The following ENOX1 variants were observed in gnomAD, a reference collection of about 807,000 sequenced individuals.
ENOX1 encodes the protein ecto-NOX disulfide-thiol exchanger 1.
Under a neutral mutation model 82.5 loss-of-function variants are expected in ENOX1, and 42 were observed. The ratio of observed to expected loss-of-function variants is 0.51; its 90% CI spans 0.40 to 0.66. The LOEUF is 0.66. Among genes scored for constraint, ENOX1 ranks in the 30% least tolerant of loss-of-function variants. The pLI is 0.00. For missense variants in ENOX1, 608 were observed against 811.6 expected (o/e 0.75, Z 3.05); for synonymous variants, 271 against 282.2 (o/e 0.96, Z 0.40).
intron 1 of ENOX1, among the ~76,000 whole-genome samples, chr13:43,693,388 A>G (rs2153805025): frequency 6.6e-6 from 1 of 152,328 alleles, no homozygotes; most frequent in South Asian, 2.1e-4. Context: ...AAATTATACC[A>G]ACCACAACCA....
intron 1 of ENOX1, among the ~76,000 whole-genome samples, chr13:43,771,560 A>T (rs1397748629): frequency 6.6e-6 from 1 of 152,198 alleles, no homozygotes; most frequent in Non-Finnish European, 1.5e-5. Context: ...AACATGGGTT[A>T]GAGACATCTG....
intron 2 of ENOX1, among the ~76,000 whole-genome samples, chr13:43,498,986 A>G (rs912269076): frequency 5.3e-5 from 8 of 152,172 alleles, no homozygotes; most frequent in African/African-American, 1.9e-4. Flanking sequence ...AGGTTCACAC[A>G]TCACCATTTA....
intron 16 of ENOX1, among the ~76,000 whole-genome samples, chr13:43,216,485 CA>C (rs2041492652): frequency 6.6e-6 from 1 of 152,124 alleles, no homozygotes; most frequent in Non-Finnish European, 1.5e-5. Context: ...GGTATGTGGT[CA>C]AAACTAGTTT....
At chr13:43,591,710 G>A (rs928896595) in intron 2 of ENOX1, among the ~76,000 whole-genome samples, 3 of 151,778 alleles carry the variant, frequency 2.0e-5, no homozygotes, top group Non-Finnish European at 4.4e-5. Flanking sequence ...AGTTGGGAAC[G>A]AGCAGCAAAC....
intron 2 of ENOX1, among the ~76,000 whole-genome samples, chr13:43,569,354 T>C (rs1266525264): frequency 6.6e-6 from 1 of 152,140 alleles, no homozygotes; most frequent in Non-Finnish European, 1.5e-5. Flanking sequence ...GGATGGTAGG[T>C]AGGTAGGTAA....
chr13:43,530,442 G>A (rs1417277135), intron 2 of ENOX1, among the ~76,000 whole-genome samples: 1 of 152,016 alleles, frequency 6.6e-6, no homozygotes, highest in Non-Finnish European at 1.5e-5. Flanking sequence ...TCATGCAAGT[G>A]GTACTAAGAA....
chr13:43,434,617 T>G (rs1308502617), intron 3 of ENOX1, among the ~76,000 whole-genome samples: 4 of 152,238 alleles, frequency 2.6e-5, no homozygotes, highest in African/African-American at 7.2e-5. Context: ...TTTTAATAGC[T>G]ATATTTGCTT....
At chr13:43,579,797 C>T (rs929893603) in intron 2 of ENOX1, among the ~76,000 whole-genome samples, 2 of 152,182 alleles carry the variant, frequency 1.3e-5, no homozygotes, top group Admixed American at 1.3e-4. Flanking sequence ...AAAAACACTA[C>T]AATTCTTAAT....
chr13:43,781,574 C>T (rs1261206418), intron 1 of ENOX1, among the ~76,000 whole-genome samples: 2 of 151,786 alleles, frequency 1.3e-5, no homozygotes, highest in Admixed American at 6.6e-5. Flanking sequence ...AGTGCAATGG[C>T]GCAATCTTGG....
chr13:43,783,663 G>A (rs993195230), intron 1 of ENOX1, among the ~76,000 whole-genome samples: 14 of 152,188 alleles, frequency 9.2e-5, no homozygotes. Flanking sequence ...GCACCTGGCA[G>A]CAGCAGAAAA....
At chr13:43,328,564 A>G (rs913146719) in intron 9 of ENOX1, among the ~76,000 whole-genome samples, 1 of 152,202 alleles carries the variant, frequency 6.6e-6, no homozygotes, top group Non-Finnish European at 1.5e-5. Context: ...AACACTAAAG[A>G]AAAGTATATC....
chr13:43,703,412 T>G (rs1203412667), intron 1 of ENOX1, among the ~76,000 whole-genome samples: 1 of 152,132 alleles, frequency 6.6e-6, no homozygotes, highest in Non-Finnish European at 1.5e-5. Flanking sequence ...CAACCAGAAA[T>G]GTTGCTATTC....
At chr13:43,678,484 G>C (rs1057135412) in intron 1 of ENOX1, among the ~76,000 whole-genome samples, 1 of 152,130 alleles carries the variant, frequency 6.6e-6, no homozygotes, top group African/African-American at 2.4e-5. Flanking sequence ...CTAGATGATG[G>C]ATACATACAT....
At position 43,661,764 on chromosome 13, in the gene ENOX1, C is replaced by T. The variant is rs544070318; in HGVS notation, c.-219+5715G>A. Among the ~76,000 whole-genome samples the T allele has an allele frequency of 1.5e-4, 23 of 152,222 alleles. No homozygotes were observed. The South Asian group carries it at 1.9e-3, about 12-fold the overall frequency. ...GATACAGGCAGCCCAGTAAAAGAAA[C>T]GGGACTGAATTAGGACTGATAAAAG... On this transcript the variant is annotated intron_variant, in intron 2 of 16. Transcript: ENST00000690772.
chr13:43,746,775 A>G (rs559742983), intron 1 of ENOX1, among the ~76,000 whole-genome samples: 1 of 152,314 alleles, frequency 6.6e-6, no homozygotes, highest in African/African-American at 2.4e-5. Flanking sequence ...CACAGAATTT[A>G]TGAGGGGACT....
intron 2 of ENOX1, among the ~76,000 whole-genome samples, chr13:43,630,032 C>T (rs1313811139): frequency 6.6e-6 from 1 of 152,154 alleles, no homozygotes; most frequent in African/African-American, 2.4e-5. Context: ...TATTCTAAAT[C>T]AGATTATATT....
chr13:43,304,351 T>C (rs1402712583), intron 11 of ENOX1, among the ~76,000 whole-genome samples: 1 of 152,208 alleles, frequency 6.6e-6, no homozygotes, highest in Non-Finnish European at 1.5e-5. Flanking sequence ...TTCCAGATGA[T>C]GGAAGTGAGT....
chr13:43,450,164 A>G (rs2056882429), intron 3 of ENOX1, among the ~76,000 whole-genome samples: 1 of 152,200 alleles, frequency 6.6e-6, no homozygotes, highest in South Asian at 2.1e-4. Context: ...TTTAAAAGTA[A>G]GTTCTGGCTG....
intron 1 of ENOX1, among the ~76,000 whole-genome samples, chr13:43,775,736 TA>T (rs1365154364): frequency 6.6e-6 from 1 of 152,020 alleles, no homozygotes; most frequent in Non-Finnish European, 1.5e-5. Flanking sequence ...ATGAAGCTGC[TA>T]GGGGGGCCTA....
Sources: gnomAD v4.1 joint callset for allele counts (sites outside exome capture counted in the v4.1 genomes callset) on GRCh38, gnomAD v4.1.1 for gene constraint, MANE v1.5 for transcripts, NCBI Gene and HGNC (gene_info 2026-07-23, HGNC 2026-07-21) for gene names.